Variants in KIAA1549L observed in about 807,000 individuals in gnomAD.
The protein encoded by KIAA1549L is KIAA1549 like.
KIAA1549L carries 88 observed loss-of-function variants against 160.7 expected under a neutral mutation model. The ratio of observed to expected loss-of-function variants is 0.55; its 90% CI spans 0.46 to 0.65. The LOEUF is 0.65. Ranked by LOEUF, KIAA1549L falls within the 30% of genes least tolerant of loss-of-function variation. The pLI is 0.00. For missense variants in KIAA1549L, 2,258 were observed against 2,437.5 expected (o/e 0.93, Z 1.55); for synonymous variants, 950 against 976.7 (o/e 0.97, Z 0.51).
At chr11:33,485,890 G>T (rs1565155359) in intron 1 of KIAA1549L, among the ~76,000 whole-genome samples, 2 of 148,782 alleles carry the variant, frequency 1.3e-5, no homozygotes, top group African/African-American at 4.9e-5. Flanking sequence ...GTCTTTCATT[G>T]CCTGGATTAT....
At chr11:33,567,991 C>T in intron 8 of KIAA1549L, 85 bp from the exon 9 acceptor site, 1 of 1,378,284 alleles carries the variant, frequency 7.3e-7, no homozygotes, top group African/African-American at 1.5e-5. Flanking sequence ...CCTTGGTGGC[C>T]TGTGCAGGGT....
At chr11:33,646,113 G>T (rs904184560) in intron 17 of KIAA1549L, 77 bp downstream of exon 17, 4 of 1,119,822 alleles carry the variant, frequency 3.6e-6, no homozygotes, top group Non-Finnish European at 3.8e-6. Context: ...CTCAGAGCAG[G>T]GGCTTCTACA....
rs1425305897 is a variant in KIAA1549L at position 33,528,923 on chromosome 11, C to G, written c.239-12879C>G. On this transcript the variant is annotated intron_variant, in intron 1 of 20. Coordinates refer to ENST00000658780, the MANE Select transcript of KIAA1549L (RefSeq NM_012194.3). ...AATCTCAGAAATCACCACTAAAGAA[C>G]TTTTCCATACAACCAAACAGCACCT... Among the ~76,000 whole-genome samples the G allele has an allele frequency of 2.6e-5, 4 of 152,120 alleles. No homozygotes were observed. The East Asian group carries it at 7.7e-4, about 29-fold the overall frequency.
chr11:33,463,801 G>A lies in KIAA1549L; in HGVS notation c.239-78001G>A, dbSNP rs943094374. Among the ~76,000 whole-genome samples, 7 of 152,162 alleles carry A rather than the reference G, an allele frequency of 4.6e-5. No individual in the cohort carries two copies. The South Asian group carries it at 8.3e-4, about 18-fold the overall frequency. On this transcript the variant is annotated intron_variant, in intron 1 of 20. Transcript: ENST00000658780. Reference sequence around the variant, plus strand: ...CTATTTAGTGGCTCAGTAGCTGCTGGAATGAGGATGAGCCAATTCTGCCCA... The same window carrying A: ...CTATTTAGTGGCTCAGTAGCTGCTGAAATGAGGATGAGCCAATTCTGCCCA...
At position 33,618,443 on chromosome 11, in the gene KIAA1549L, C is replaced by G. The variant is rs1188892185; in HGVS notation, c.5280-90C>G. ...TGAGATTTGTGAGGCAAATCCAAAC[C>G]CTTCATTGGTTGCCTGTACTTTGGA... On this transcript the variant is annotated intron_variant, in intron 15 of 20. Coordinates refer to ENST00000658780, the MANE Select transcript of KIAA1549L (RefSeq NM_012194.3). 4.2e-6 allele frequency: 5 copies of G among 1,202,176 alleles called. No individual in the cohort carries two copies. The South Asian group carries it at 7.4e-5, about 18-fold the overall frequency. The allele number at this position is 1,202,176 out of a possible 1,614,324, so 74.5% of individuals were successfully genotyped here. A position where few individuals can be genotyped will look rare whatever the true frequency, so the allele number is the denominator to read the frequency against.
intron 1 of KIAA1549L, among the ~76,000 whole-genome samples, chr11:33,425,352 C>T (rs1208014290): frequency 6.6e-6 from 1 of 152,180 alleles, no homozygotes; most frequent in Non-Finnish European, 1.5e-5. Context: ...TCTGTACTTG[C>T]AGCAAATAAA....
rs35549544 is a variant in KIAA1549L, at chr11:33,405,007, C to CAA, written c.238+28135_238+28136dup. ...TGGGCGACAGAGTGAGACTCTGTCTCAAAAAAAAAAAAAAAAAAGTTATTT... is the reference window on the plus strand; with the variant it reads ...TGGGCGACAGAGTGAGACTCTGTCTCAAAAAAAAAAAAAAAAAAAAGTTATTT... On this transcript the variant is annotated intron_variant, in intron 1 of 20. Transcript: ENST00000658780. Among the ~76,000 whole-genome samples, 961 of 108,694 alleles carry CAA rather than the reference C, an allele frequency of 8.8e-3. 23 individuals are homozygous for CAA. The highest frequency in any genetic ancestry group is 0.024 in the African/African-American group (652 of 26,656). The allele number at this position is 108,694 out of a possible 152,430, so 71.3% of individuals were successfully genotyped here. A position where few individuals can be genotyped will look rare whatever the true frequency, so the allele number is the denominator to read the frequency against.
intron 1 of KIAA1549L, among the ~76,000 whole-genome samples, chr11:33,480,083 C>T (rs1304601560): frequency 6.6e-6 from 1 of 151,972 alleles, no homozygotes; most frequent in Non-Finnish European, 1.5e-5. Context: ...CTTAAAATAG[C>T]TTTGTTGAGA....
intron 16 of KIAA1549L, among the ~76,000 whole-genome samples, chr11:33,628,539 A>G (rs1851184101): frequency 6.7e-6 from 1 of 148,456 alleles, no homozygotes. Context: ...CCATTATGTA[A>G]TGGCCTTCTT....
chr11:33,435,818 GTATATATATATATGTATA>G (rs1851362256), intron 1 of KIAA1549L, among the ~76,000 whole-genome samples: 8 of 45,310 alleles, frequency 1.8e-4, no homozygotes, highest in African/African-American at 4.3e-4. Context: ...ATATGTGTGT[GTATATATATATATGTATA>G]TGTATATGTG....
At chr11:33,521,943 G>A (rs762029451) in intron 1 of KIAA1549L, among the ~76,000 whole-genome samples, 38 of 152,154 alleles carry the variant, frequency 2.5e-4, no homozygotes, top group Non-Finnish European at 5.1e-4. Flanking sequence ...TAGAACTTTC[G>A]TTGATGGAGC....
intron 1 of KIAA1549L, among the ~76,000 whole-genome samples, chr11:33,454,009 A>G (rs957733187): frequency 3.9e-5 from 6 of 152,170 alleles, no homozygotes; most frequent in African/African-American, 1.4e-4. Flanking sequence ...TTTATATGCT[A>G]TTTGGGGAAA....
At chr11:33,468,724 A>G (rs552870778) in intron 1 of KIAA1549L, among the ~76,000 whole-genome samples, 2 of 152,336 alleles carry the variant, frequency 1.3e-5, no homozygotes, top group Admixed American at 1.3e-4. Flanking sequence ...GAAAATACAT[A>G]TCATAACGAA....
At chr11:33,490,324 C>CTTT (rs776660658) in intron 1 of KIAA1549L, among the ~76,000 whole-genome samples, 23 of 135,606 alleles carry the variant, frequency 1.7e-4, no homozygotes, top group African/African-American at 5.0e-4. Context: ...TACTTTACCT[C>CTTT]TTTTTTTTTT....
intron 12 of KIAA1549L, among the ~76,000 whole-genome samples, chr11:33,596,208 T>G (rs554867737): frequency 2.0e-5 from 3 of 152,328 alleles, no homozygotes; most frequent in African/African-American, 7.2e-5. Flanking sequence ...CTTTTGTTAC[T>G]GTCATGTGAG....
chr11:33,507,588 T>C (rs1024522907), intron 1 of KIAA1549L, among the ~76,000 whole-genome samples: 3 of 152,172 alleles, frequency 2.0e-5, no homozygotes, highest in Admixed American at 6.5e-5. Context: ...AGGCCGTTTT[T>C]GGTTCTCAGT....
In KIAA1549L at chr11:33,477,507, G is replaced by GCACGCGCACA. The variant is rs374982374; in HGVS notation, c.239-64292_239-64291insGCGCACACAC. On this transcript the variant is annotated intron_variant, in intron 1 of 20. Transcript: ENST00000658780. ...GTGGTGGAGTGCCACGCAGGTGCACGCACACACACACAAACACACACACAC... is the reference window on the plus strand; with the variant it reads ...GTGGTGGAGTGCCACGCAGGTGCACGCACGCGCACACACACACACACAAACACACACACAC... Among the ~76,000 whole-genome samples, 1,105 of 131,796 alleles carry GCACGCGCACA rather than the reference G, an allele frequency of 8.4e-3. 35 individuals carry two copies. The highest frequency in any genetic ancestry group is 0.055 in the Admixed American group (774 of 14,146). The allele number at this position is 131,796 out of a possible 152,430, so 86.5% of individuals were successfully genotyped here. A position where few individuals can be genotyped will look rare whatever the true frequency, so the allele number is the denominator to read the frequency against.
At chr11:33,552,290 G>A in intron 6 of KIAA1549L, 49 bp downstream of exon 6, 2 of 1,559,998 alleles carry the variant, frequency 1.3e-6, no homozygotes, top group Non-Finnish European at 1.7e-6. Context: ...CAACCACAAT[G>A]CAGAGTCTGG....
chr11:33,544,274 G>T lies in KIAA1549L; in HGVS notation c.2711G>T (p.Ser904Ile). The change falls in exon 2 of 21, where the codon AGT becomes ATT. Residue 904 changes from serine to isoleucine, a missense_variant. Transcript: ENST00000658780. Reference sequence around the variant, plus strand: ...GCTGCTGAATCTTCTATATCGACCAGTGTCTTTCCCAGGACCTCCTCCAGA... The same window carrying T: ...GCTGCTGAATCTTCTATATCGACCATTGTCTTTCCCAGGACCTCCTCCAGA... ...HSAAESSIST[S>I]VFPRTSSRVL... 1.2e-6 allele frequency: 2 copies of T among 1,613,972 alleles called. No individual in the cohort carries two copies. The highest frequency in any genetic ancestry group is 1.1e-5 in the South Asian group (1 of 91,084).
Sources: gnomAD v4.1 joint callset for allele counts (sites outside exome capture counted in the v4.1 genomes callset) on GRCh38, gnomAD v4.1.1 for gene constraint, MANE v1.5 for transcripts, NCBI Gene and HGNC (gene_info 2026-07-23, HGNC 2026-07-21) for gene names.